Variants in CHTF8 observed in about 807,000 individuals in gnomAD.
The protein encoded by CHTF8 is chromosome transmission fidelity factor 8.
CHTF8 carries 6 observed loss-of-function variants against 11.0 expected under a neutral mutation model. The ratio of observed to expected loss-of-function variants is 0.55; its 90% CI spans 0.30 to 1.08. CHTF8 has a LOEUF of 1.08. Among genes scored for constraint, CHTF8 ranks in the 50% least tolerant of loss-of-function variants. The pLI, the probability that CHTF8 is intolerant of heterozygous loss-of-function variation, is 0.07. For missense variants in CHTF8, 140 were observed against 153.1 expected (o/e 0.91, Z 0.45); for synonymous variants, 53 against 60.5 (o/e 0.88, Z 0.57).
Position 69,120,934 on chromosome 16 carries a change from A to G in CHTF8, c.141+119T>C. On this transcript the variant is annotated intron_variant, in intron 3 of 3. Coordinates refer to ENST00000448552, the MANE Select transcript of CHTF8 (RefSeq NM_001039690.5). The surrounding 1 kb of genome is among the most constrained non-coding windows in gnomAD (Gnocchi z 4.0). ...GGGGAGAACAAGCAGAGAGCATCGC[A>G]GATTAGCTAGGCCTTGAATAACAAA... is the stretch of plus-strand genomic sequence containing the variant. The G allele has an allele frequency of 1.1e-6, 1 of 871,776 alleles. No individual in the cohort carries two copies. The highest frequency in any genetic ancestry group is 2.0e-6 in the Non-Finnish European group (1 of 502,624). The allele number at this position is 871,776 out of a possible 1,614,324, so 54.0% of individuals were successfully genotyped here.
intron 2 of CHTF8, 56 bp downstream of exon 2, chr16:69,121,380 A>C: frequency 6.8e-7 from 1 of 1,472,400 alleles, no homozygotes; most frequent in Non-Finnish European, 9.3e-7. Flanking sequence ...CACATGGCAC[A>C]CCTCTATAGC....
rs199824719 is a variant in CHTF8, at chr16:69,119,621, G to A, written c.*804C>T. On this transcript the variant is annotated 3_prime_UTR_variant, in exon 4 of 4. Transcript: ENST00000448552. The stretch of plus-strand genomic sequence containing the variant: ...ATGGGGGCAAGATCGAGGCCTTGAG[G>A]TCCAGCCATTCTTAAGTTAAGACCA... 904 of 692,104 alleles carry A rather than the reference G, an allele frequency of 1.3e-3. 15 individuals carry two copies. The highest frequency in any genetic ancestry group is 5.0e-4 in the Non-Finnish European group (191 of 378,934). The allele number at this position is 692,104 out of a possible 1,614,324, so 42.9% of individuals were successfully genotyped here.
intron 1 of CHTF8, among the ~76,000 whole-genome samples, chr16:69,129,188 T>C (rs1017531230): frequency 2.6e-5 from 4 of 151,996 alleles, no homozygotes; most frequent in African/African-American, 7.2e-5. Flanking sequence ...CCCAGCACTT[T>C]GGGAGGCCGA....
In CHTF8 at chr16:69,118,182, T is replaced by C. The variant is rs1961305084; in HGVS notation, c.*2243A>G. The C allele has an allele frequency of 3.4e-6, 2 of 590,320 alleles. No individual in the cohort carries two copies. The highest frequency in any genetic ancestry group is 2.0e-5 in the South Asian group (1 of 49,202). 36.6% of individuals were successfully genotyped at this position (590,320 alleles called of 1,614,324 possible). A position where few individuals can be genotyped will look rare whatever the true frequency, so the allele number is the denominator to read the frequency against. On this transcript the variant is annotated 3_prime_UTR_variant, in exon 4 of 4. Coordinates refer to ENST00000448552, the MANE Select transcript of CHTF8 (RefSeq NM_001039690.5). ...ACATCAGTTTAAATTTTGAGGTTCT[T>C]TGATTGATTGGGAGTACCAGTGAAG...
At position 69,127,234 on chromosome 16, in the gene CHTF8, C is replaced by T. The variant is rs1031270464; in HGVS notation, c.-36+5250G>A. ...GCCTGGGCAACAAAGAGCAAAACTCCGTCTCAAAAAAAAAAAAAAGCATAT... is the reference window on the plus strand; with the variant it reads ...GCCTGGGCAACAAAGAGCAAAACTCTGTCTCAAAAAAAAAAAAAAGCATAT... On this transcript the variant is annotated intron_variant, in intron 1 of 3. Transcript: ENST00000448552. Among the ~76,000 whole-genome samples, 12 of 149,470 alleles carry T rather than the reference C, an allele frequency of 8.0e-5. No individual in the cohort carries two copies. In the East Asian group the frequency reaches 9.8e-4, roughly 12 times the overall value.
chr16:69,127,905 C>T (rs1205938504), intron 1 of CHTF8, among the ~76,000 whole-genome samples: 1 of 151,104 alleles, frequency 6.6e-6, no homozygotes, highest in African/African-American at 2.4e-5. Flanking sequence ...CCACCGTGCC[C>T]GGCCAAATTT....
chr16:69,121,013 T>C, intron 3 of CHTF8, 40 bp downstream of exon 3: 1 of 1,567,150 alleles, frequency 6.4e-7, no homozygotes, highest in Non-Finnish European at 8.8e-7. Context: ...TGTAGCTTGC[T>C]TTCCTGAGGC....
rs1961426105 is a variant in CHTF8, at chr16:69,119,266, G to A, written c.*1159C>T. The A allele has an allele frequency of 4.3e-6, 3 of 702,926 alleles. No individual in the cohort carries two copies. The African/African-American group carries it at 5.2e-5, about 12-fold the overall frequency. The allele number at this position is 702,926 out of a possible 1,614,324, so 43.5% of individuals were successfully genotyped here. ...TGGATTTGAGCCCTGGAGGCCAGCGGACCTTTGGAAGGTAGCTGGGTTTGA... is the reference window on the plus strand; with the variant it reads ...TGGATTTGAGCCCTGGAGGCCAGCGAACCTTTGGAAGGTAGCTGGGTTTGA... On this transcript the variant is annotated 3_prime_UTR_variant, in exon 4 of 4. Transcript: ENST00000448552.
Position 69,118,068 on chromosome 16 carries a change from C to G in CHTF8, c.*2357G>C, listed in dbSNP as rs1245749410. The G allele has an allele frequency of 2.1e-6, 1 of 487,444 alleles. No homozygotes were observed. Among genetic ancestry groups the G allele is most frequent in the African/African-American group, 1.9e-5 (1 of 51,928 alleles). The allele number at this position is 487,444 out of a possible 1,614,324, so 30.2% of individuals were successfully genotyped here. A position where few individuals can be genotyped will look rare whatever the true frequency, so the allele number is the denominator to read the frequency against. ...GAAAAGATACAATGCAGGAAAACCA[C>G]CAACCATCCTTGCACACCAGGCCGA... On this transcript the variant is annotated 3_prime_UTR_variant, in exon 4 of 4. Transcript: ENST00000448552.
At position 69,119,691 on chromosome 16, in the gene CHTF8, G is replaced by T. The variant is rs1392353695; in HGVS notation, c.*734C>A. ...CACCTGCTCTGGCATCTAGATTAGG[G>T]CCTGGGCCCAGGCCACTTGGTCTTG... is the stretch of plus-strand genomic sequence containing the variant. On this transcript the variant is annotated 3_prime_UTR_variant, in exon 4 of 4. Transcript: ENST00000448552. 8 of 677,884 alleles carry T rather than the reference G, an allele frequency of 1.2e-5. No homozygotes were observed. Among genetic ancestry groups the T allele is most frequent in the South Asian group, 9.2e-5 (6 of 65,098 alleles). 42.0% of individuals were successfully genotyped at this position (677,884 alleles called of 1,614,324 possible).
rs1567586497 is a variant in CHTF8, at chr16:69,119,368, G to A, written c.*1057C>T. 1 of 703,032 alleles carries A rather than the reference G, an allele frequency of 1.4e-6. No homozygotes were observed. Among genetic ancestry groups the A allele is most frequent in the Non-Finnish European group, 2.6e-6 (1 of 384,986 alleles). The allele number at this position is 703,032 out of a possible 1,614,324, so 43.5% of individuals were successfully genotyped here. A position where few individuals can be genotyped will look rare whatever the true frequency, so the allele number is the denominator to read the frequency against. On this transcript the variant is annotated 3_prime_UTR_variant, in exon 4 of 4. Coordinates refer to ENST00000448552, the MANE Select transcript of CHTF8 (RefSeq NM_001039690.5). ...AAAGGGATTGGCATTTACCCCCATG[G>A]GGCCAACTGGCCTTGAGAAATGAGC...
At position 69,121,293 on chromosome 16, in the gene CHTF8, C is replaced by T; in HGVS notation, c.24-123G>A. 5 of 1,213,184 alleles carry T rather than the reference C, an allele frequency of 4.1e-6. No homozygotes were observed. The Admixed American group carries it at 8.5e-5, about 21-fold the overall frequency. 75.2% of individuals were successfully genotyped at this position (1,213,184 alleles called of 1,614,324 possible). On this transcript the variant is annotated intron_variant, in intron 2 of 3. Coordinates refer to ENST00000448552, the MANE Select transcript of CHTF8 (RefSeq NM_001039690.5). ...GATGTCAAGTTCTTGGGAAATTGGG[C>T]AGTGCTAGGCATGGAACTAGAGATC... is the stretch of plus-strand genomic sequence containing the variant.
chr16:69,118,092 G>A lies in CHTF8; in HGVS notation c.*2333C>T, dbSNP rs1250274250. On this transcript the variant is annotated 3_prime_UTR_variant, in exon 4 of 4. Coordinates refer to ENST00000448552, the MANE Select transcript of CHTF8 (RefSeq NM_001039690.5). ...ACCAACCATCCTTGCACACCAGGCCGAACAAAGCACAGTGATTTCTTCCCT... is the reference window on the plus strand; with the variant it reads ...ACCAACCATCCTTGCACACCAGGCCAAACAAAGCACAGTGATTTCTTCCCT... 12 of 540,392 alleles carry A rather than the reference G, an allele frequency of 2.2e-5. No individual in the cohort carries two copies. The highest frequency in any genetic ancestry group is 5.7e-5 in the African/African-American group (3 of 52,710). 33.5% of individuals were successfully genotyped at this position (540,392 alleles called of 1,614,324 possible). A position where few individuals can be genotyped will look rare whatever the true frequency, so the allele number is the denominator to read the frequency against.
At chr16:69,129,088 A>G (rs1253560001) in intron 1 of CHTF8, among the ~76,000 whole-genome samples, 1 of 150,462 alleles carries the variant, frequency 6.6e-6, no homozygotes. Flanking sequence ...CTGAAACAAA[A>G]CAAAAAAAAA....
intron 1 of CHTF8, among the ~76,000 whole-genome samples, chr16:69,122,840 C>A (rs1597112843): frequency 6.6e-6 from 1 of 151,862 alleles, no homozygotes; most frequent in Non-Finnish European, 1.5e-5. Flanking sequence ...CCGCACCTGG[C>A]TTAATTTTTG....
chr16:69,120,572 A>G lies in CHTF8; in HGVS notation c.219T>C (p.Leu73=). The part of the protein sequence containing the change: ...IIHLEKPFAV[L]VKHTPGDQDC... ...CCTGATCCCCAGGAGTGTGTTTGAC[A>G]AGGACTGCAAAAGGTTTCTCCAGGT... The change falls in exon 4 of 4, where the codon CTT becomes CTC. Residue 73 remains leucine (L), a synonymous_variant. Transcript: ENST00000448552. The surrounding 1 kb of genome is among the most constrained non-coding windows in gnomAD (Gnocchi z 4.0). The G allele has an allele frequency of 6.2e-7, 1 of 1,614,044 alleles. No individual in the cohort carries two copies. The highest frequency in any genetic ancestry group is 8.5e-7 in the Non-Finnish European group (1 of 1,179,998).
rs1321258949 is a variant in CHTF8, at chr16:69,119,350, T to C, written c.*1075A>G. 5.7e-6 allele frequency: 4 copies of C among 702,950 alleles called. No individual in the cohort carries two copies. The highest frequency in any genetic ancestry group is 1.0e-5 in the Non-Finnish European group (4 of 385,014). The allele number at this position is 702,950 out of a possible 1,614,324, so 43.5% of individuals were successfully genotyped here. A position where few individuals can be genotyped will look rare whatever the true frequency, so the allele number is the denominator to read the frequency against. On this transcript the variant is annotated 3_prime_UTR_variant, in exon 4 of 4. Transcript: ENST00000448552. ...TGAACCTGCTCCCCTGGGAAAGGGA[T>C]TGGCATTTACCCCCATGGGGCCAAC...
Position 69,119,507 on chromosome 16 carries a change from T to C in CHTF8, c.*918A>G. Reference sequence around the variant, plus strand: ...TTTGGGCCCATGGGGCCAGGTACTCTTGCCATGGAGGATGGGCTTGTGCCC... The same window carrying C: ...TTTGGGCCCATGGGGCCAGGTACTCCTGCCATGGAGGATGGGCTTGTGCCC... On this transcript the variant is annotated 3_prime_UTR_variant, in exon 4 of 4. Transcript: ENST00000448552. 1.4e-6 allele frequency: 1 copy of C among 703,016 alleles called. No homozygotes were observed. Among genetic ancestry groups the C allele is most frequent in the Non-Finnish European group, 2.6e-6 (1 of 385,006 alleles). The allele number at this position is 703,016 out of a possible 1,614,324, so 43.5% of individuals were successfully genotyped here. A position where few individuals can be genotyped will look rare whatever the true frequency, so the allele number is the denominator to read the frequency against.
In CHTF8 at chr16:69,120,767, TG is replaced by T; in HGVS notation, c.142-119del. 1 of 906,248 alleles carries T rather than the reference TG, an allele frequency of 1.1e-6. No individual in the cohort carries two copies. 56.1% of individuals were successfully genotyped at this position (906,248 alleles called of 1,614,324 possible). A position where few individuals can be genotyped will look rare whatever the true frequency, so the allele number is the denominator to read the frequency against. The stretch of plus-strand genomic sequence containing the variant: ...GCACCTCCAATCCCTGGTCTGGCTC[TG>T]CCATTGTTGAGCAGCCACACTGGAC... On this transcript the variant is annotated intron_variant, in intron 3 of 3. Transcript: ENST00000448552. The surrounding 1 kb of genome is among the most constrained non-coding windows in gnomAD (Gnocchi z 4.0).
Sources: allele counts gnomAD v4.1 joint callset (sites outside exome capture counted in the v4.1 genomes callset), GRCh38; gene constraint gnomAD v4.1.1; non-coding constraint Gnocchi (gnomAD v3.1); transcripts MANE v1.5; gene names NCBI Gene and HGNC (gene_info 2026-07-23, HGNC 2026-07-21).